SPPL3: variants seen among roughly 807,000 people sequenced by gnomAD.
The protein encoded by SPPL3 is signal peptide peptidase like 3, also known as signal peptide peptidase-like 3.
A neutral mutation model predicts 42.4 loss-of-function variants in SPPL3; 5 were observed. That is an observed-to-expected ratio of 0.12 (90% confidence interval 0.06 to 0.25). SPPL3 has a LOEUF of 0.25. Among genes scored for constraint, SPPL3 ranks in the 10% least tolerant of loss-of-function variants. The pLI, the probability that SPPL3 is intolerant of heterozygous loss-of-function variation, is 1.00. For synonymous variants in SPPL3, 195 were observed against 181.8 expected (o/e 1.07, Z -0.58); for missense variants, 235 against 489.0 (o/e 0.48, Z 4.90).
At chr12:120,817,157 C>T (rs548029006) in intron 1 of SPPL3, among the ~76,000 whole-genome samples, 11 of 151,472 alleles carry the variant, frequency 7.3e-5, no homozygotes, top group Non-Finnish European at 1.2e-4. Flanking sequence ...CAGCCAGGCA[C>T]GGTGGGGCGC....
At chr12:120,876,972 G>A (rs889315779) in intron 1 of SPPL3, among the ~76,000 whole-genome samples, 4 of 151,798 alleles carry the variant, frequency 2.6e-5, no homozygotes, top group African/African-American at 9.7e-5. Context: ...TAGCTAAACT[G>A]ATCAGGAGAA....
rs1868814739 is a variant in SPPL3 at position 120,764,718 on chromosome 12, G to A, written c.*281C>T. 1 of 416,906 alleles carries A rather than the reference G, an allele frequency of 2.4e-6. No homozygotes were observed. The highest frequency in any genetic ancestry group is 4.2e-6 in the Non-Finnish European group (1 of 236,716). The allele number at this position is 416,906 out of a possible 1,614,324, so 25.8% of individuals were successfully genotyped here. The stretch of plus-strand genomic sequence containing the variant: ...CATCTCCCCCAGAAGGTAACAGTCT[G>A]GTGCAGATCCATAAAAACGTGGGAG... On this transcript the variant is annotated 3_prime_UTR_variant, in exon 11 of 11. Transcript: ENST00000353487.
rs113057958 is a variant in SPPL3, at chr12:120,807,381, A to C, written c.101+3428T>G. Among the ~76,000 whole-genome samples, 383 of 152,324 alleles carry C rather than the reference A, an allele frequency of 2.5e-3. 2 individuals are homozygous for C. Among genetic ancestry groups the C allele is most frequent in the African/African-American group, 8.8e-3 (366 of 41,582 alleles). ...AAAAAAAATAGCCCCTAACAATTAC[A>C]AAGAAAACGGGAGGCTGGGCTCGGT... On this transcript the variant is annotated intron_variant, in intron 2 of 10. Coordinates refer to ENST00000353487, the MANE Select transcript of SPPL3 (RefSeq NM_139015.5).
chr12:120,865,459 T>C (rs1872729610), intron 1 of SPPL3, among the ~76,000 whole-genome samples: 1 of 152,190 alleles, frequency 6.6e-6, no homozygotes, highest in South Asian at 2.1e-4. Flanking sequence ...TTATCCTTAT[T>C]TGCAAAATGA....
chr12:120,770,434 T>C (rs148925184), intron 6 of SPPL3, among the ~76,000 whole-genome samples: 7 of 152,294 alleles, frequency 4.6e-5, no homozygotes, highest in Non-Finnish European at 8.8e-5. Flanking sequence ...TTCCCATAAA[T>C]TAGATGTTAT....
At chr12:120,825,044 T>TG (rs1871197259) in intron 1 of SPPL3, among the ~76,000 whole-genome samples, 1 of 152,020 alleles carries the variant, frequency 6.6e-6, no homozygotes, top group African/African-American at 2.4e-5. Flanking sequence ...CTTCCTTATA[T>TG]GACACTACCT....
At position 120,869,620 on chromosome 12, in the gene SPPL3, C is replaced by T. The variant is rs116949670; in HGVS notation, c.23+34225G>A. ...CACAGCTGAGAACTACTGAGCTAAA[C>T]GGGTATATATGACTAGGTTGGATAT... On this transcript the variant is annotated intron_variant, in intron 1 of 10. Coordinates refer to ENST00000353487, the MANE Select transcript of SPPL3 (RefSeq NM_139015.5). 9.9e-3 allele frequency among the ~76,000 whole-genome samples: 1,512 copies of T among 152,236 alleles called. 51 individuals carry two copies. The highest frequency in any genetic ancestry group is 0.098 in the South Asian group (474 of 4,816).
intron 1 of SPPL3, among the ~76,000 whole-genome samples, chr12:120,893,190 C>T (rs1454915049): frequency 2.0e-5 from 3 of 151,818 alleles, no homozygotes; most frequent in Non-Finnish European, 4.4e-5. Context: ...GTGGCTCACG[C>T]CTGTAATCCC....
At chr12:120,874,214 A>T (rs914550754) in intron 1 of SPPL3, among the ~76,000 whole-genome samples, 7 of 152,130 alleles carry the variant, frequency 4.6e-5, no homozygotes, top group African/African-American at 1.7e-4. Flanking sequence ...GCACTTAGGA[A>T]GACCGAGGAA....
At chr12:120,780,970 T>C (rs1349133536) in intron 6 of SPPL3, among the ~76,000 whole-genome samples, 1 of 152,186 alleles carries the variant, frequency 6.6e-6, no homozygotes, top group Non-Finnish European at 1.5e-5. Context: ...AGAAACAGCC[T>C]CCAAGATGCT....
chr12:120,833,766 AGTGTGT>A (rs71076664), intron 1 of SPPL3, among the ~76,000 whole-genome samples: 20,356 of 146,540 alleles, frequency 0.14, 1,618 homozygotes, highest in East Asian at 0.25. Context: ...TGAGTTTTAA[AGTGTGT>A]GTGTGTGTGT....
At chr12:120,840,787 G>A (rs1349559058) in intron 1 of SPPL3, among the ~76,000 whole-genome samples, 2 of 151,880 alleles carry the variant, frequency 1.3e-5, no homozygotes, top group Non-Finnish European at 2.9e-5. Context: ...AGACAAGATT[G>A]TGCCATTACA....
chr12:120,831,516 T>C (rs1871424614), intron 1 of SPPL3, among the ~76,000 whole-genome samples: 2 of 152,316 alleles, frequency 1.3e-5, no homozygotes, highest in South Asian at 2.1e-4. Flanking sequence ...CCACTTTGCA[T>C]GCTCACTGTT....
chr12:120,771,662 G>A (rs1869128515), intron 6 of SPPL3, among the ~76,000 whole-genome samples: 1 of 152,082 alleles, frequency 6.6e-6, no homozygotes. Flanking sequence ...CAGGTGCAGG[G>A]CCTCTCCCCT....
At chr12:120,871,144 A>AAAAAAAAAAAAAAAAAAAAAG (rs61249398) in intron 1 of SPPL3, among the ~76,000 whole-genome samples, 19 of 142,202 alleles carry the variant, frequency 1.3e-4, no homozygotes, top group East Asian at 6.4e-4. Context: ...AAAAAAAAAA[A>AAAAAAAAAAAAAAAAAAAAAG]AAAAAGAAAA....
At chr12:120,892,875 G>A (rs1208007025) in intron 1 of SPPL3, among the ~76,000 whole-genome samples, 1 of 151,358 alleles carries the variant, frequency 6.6e-6, no homozygotes, top group Non-Finnish European at 1.5e-5. Flanking sequence ...CCAGCTACTC[G>A]GGAGGCTGAG....
chr12:120,877,916 G>A (rs1056873716), intron 1 of SPPL3, among the ~76,000 whole-genome samples: 1 of 152,110 alleles, frequency 6.6e-6, no homozygotes, highest in Admixed American at 6.5e-5. Flanking sequence ...CAACTACTTG[G>A]GAGCCTGAGG....
chr12:120,860,160 G>A (rs1872583267), intron 1 of SPPL3, among the ~76,000 whole-genome samples: 2 of 152,126 alleles, frequency 1.3e-5, no homozygotes, highest in South Asian at 4.1e-4. Flanking sequence ...CCATGATCAT[G>A]CCAGTGCACT....
chr12:120,849,138 A>G (rs1365126520), intron 1 of SPPL3, among the ~76,000 whole-genome samples: 1 of 152,152 alleles, frequency 6.6e-6, no homozygotes, highest in Non-Finnish European at 1.5e-5. Context: ...CCTGCATTCC[A>G]GCCTGAGCAA....
Sources: allele counts gnomAD v4.1 joint callset (sites outside exome capture counted in the v4.1 genomes callset), GRCh38; gene constraint gnomAD v4.1.1; transcripts MANE v1.5; gene names NCBI Gene and HGNC (gene_info 2026-07-23, HGNC 2026-07-21).